KSR2: variants seen among roughly 807,000 people sequenced by gnomAD.
The protein encoded by KSR2 is kinase suppressor of ras 2.
In KSR2, 25 loss-of-function variants were observed where a neutral mutation model predicts 107.8. The ratio of observed to expected loss-of-function variants is 0.23; its 90% CI spans 0.17 to 0.32. The LOEUF (loss-of-function observed/expected upper bound fraction) is 0.32. KSR2 is among the 10% of genes least tolerant of loss of function. The pLI is 1.00. For synonymous variants in KSR2, 480 were observed against 507.0 expected (o/e 0.95, Z 0.71); for missense variants, 887 against 1,268.9 (o/e 0.70, Z 4.57).
intron 6 of KSR2, among the ~76,000 whole-genome samples, chr12:117,581,270 C>A (rs1179404626): frequency 6.6e-6 from 1 of 152,118 alleles, no homozygotes; most frequent in Non-Finnish European, 1.5e-5. Context: ...ACCTTGTCAC[C>A]CCGATCTCTC....
intron 1 of KSR2, among the ~76,000 whole-genome samples, chr12:117,937,064 C>T (rs758985960): frequency 3.3e-4 from 51 of 152,300 alleles, no homozygotes; most frequent in Admixed American, 1.6e-3. Flanking sequence ...CCCCAGCTAC[C>T]GTCTTAGCAG....
intron 4 of KSR2, among the ~76,000 whole-genome samples, chr12:117,711,634 G>A (rs564241481): frequency 6.6e-6 from 1 of 152,196 alleles, no homozygotes; most frequent in East Asian, 1.9e-4. Context: ...ACAGGAGTCT[G>A]GGATGCAGAA....
intron 16 of KSR2, 67 bp from the exon 17 acceptor site, chr12:117,476,662 G>A (rs1258201715): frequency 1.3e-6 from 2 of 1,496,066 alleles, no homozygotes; most frequent in Non-Finnish European, 1.8e-6. Flanking sequence ...CCCTGGCACT[G>A]ACCCTACGTC....
At chr12:117,680,569 A>G (rs893931573) in intron 4 of KSR2, among the ~76,000 whole-genome samples, 3 of 152,036 alleles carry the variant, frequency 2.0e-5, no homozygotes, top group African/African-American at 7.2e-5. Context: ...CCTCCTCTCC[A>G]AGTCTGGTTT....
chr12:117,877,039 T>C lies in KSR2; in HGVS notation c.181-16608A>G, dbSNP rs550309433. Among the ~76,000 whole-genome samples the C allele has an allele frequency of 5.6e-4, 85 of 152,324 alleles. No individual in the cohort carries two copies. In the South Asian group the frequency reaches 0.017, roughly 30 times the overall value. On this transcript the variant is annotated intron_variant, in intron 1 of 19. Transcript: ENST00000339824. ...AAACAAAGTTTGTGTTAAGTTTTTA[T>C]GTGTGGAATTTTCCACTTGTGATGT...
chr12:117,872,771 A>T (rs1410885904), intron 1 of KSR2, among the ~76,000 whole-genome samples: 1 of 152,132 alleles, frequency 6.6e-6, no homozygotes, highest in African/African-American at 2.4e-5. Context: ...GGGTCCTTGG[A>T]CAATAAACAC....
intron 7 of KSR2, among the ~76,000 whole-genome samples, chr12:117,564,320 C>T (rs768131254): frequency 5.3e-5 from 8 of 152,148 alleles, no homozygotes; most frequent in Non-Finnish European, 8.8e-5. Context: ...GCAATCAAGC[C>T]GACCTGAGCC....
chr12:117,877,021 G>A (rs1893876140), intron 1 of KSR2, among the ~76,000 whole-genome samples: 1 of 152,094 alleles, frequency 6.6e-6, no homozygotes, highest in Non-Finnish European at 1.5e-5. Context: ...ATTAAACAAA[G>A]TTTGTGTTAA....
intron 7 of KSR2, among the ~76,000 whole-genome samples, chr12:117,569,634 T>C (rs1878747881): frequency 6.6e-6 from 1 of 152,266 alleles, no homozygotes; most frequent in African/African-American, 2.4e-5. Context: ...CTACGTCTAT[T>C]GTAAGGTGGC....
chr12:117,608,912 A>C (rs1226022582), intron 5 of KSR2, among the ~76,000 whole-genome samples: 1 of 152,040 alleles, frequency 6.6e-6, no homozygotes, highest in African/African-American at 2.4e-5. Flanking sequence ...TTGGGGGGTA[A>C]TAGCTCAGAC....
At chr12:117,562,815 G>A (rs1030859575) in intron 7 of KSR2, among the ~76,000 whole-genome samples, 11 of 152,036 alleles carry the variant, frequency 7.2e-5, no homozygotes, top group African/African-American at 2.2e-4. Context: ...CAGGGGCTTC[G>A]GTGGGCAGCA....
chr12:117,595,883 C>T (rs1053187459), intron 5 of KSR2, among the ~76,000 whole-genome samples: 1 of 152,216 alleles, frequency 6.6e-6, no homozygotes, highest in Non-Finnish European at 1.5e-5. Context: ...GAGTCCCTTC[C>T]AGTCTCAGAA....
At chr12:117,550,011 T>C (rs79246583) in intron 9 of KSR2, among the ~76,000 whole-genome samples, 4,433 of 152,292 alleles carry the variant, frequency 0.029, 211 homozygotes, top group African/African-American at 0.1. Context: ...CAGCAGCTGG[T>C]GGTTGTGTTC....
At chr12:117,819,532 T>G (rs988777423) in intron 3 of KSR2, among the ~76,000 whole-genome samples, 2 of 152,194 alleles carry the variant, frequency 1.3e-5, no homozygotes, top group African/African-American at 2.4e-5. Flanking sequence ...TATCTACATA[T>G]GTCAAAGCTC....
chr12:117,923,847 G>A (rs1895418658), intron 1 of KSR2, among the ~76,000 whole-genome samples: 1 of 150,456 alleles, frequency 6.6e-6, no homozygotes, highest in African/African-American at 2.4e-5. Context: ...TATGTTTTGT[G>A]TAACAAAGGA....
At chr12:117,739,333 C>G (rs2135017) in intron 4 of KSR2, among the ~76,000 whole-genome samples, 1 of 152,004 alleles carries the variant, frequency 6.6e-6, no homozygotes, top group Non-Finnish European at 1.5e-5. Flanking sequence ...CCAGCCTGGG[C>G]GACAGAGCAA....
intron 3 of KSR2, among the ~76,000 whole-genome samples, chr12:117,840,180 G>A (rs1016127735): frequency 1.9e-4 from 28 of 151,092 alleles, no homozygotes; most frequent in African/African-American, 4.2e-4. Context: ...TGTCTGCAGC[G>A]TCCGCCTCCA....
At chr12:117,612,835 T>C (rs11068572) in intron 5 of KSR2, among the ~76,000 whole-genome samples, 8,251 of 152,234 alleles carry the variant, frequency 0.054, 616 homozygotes, top group African/African-American at 0.17. Flanking sequence ...CCCCATTCTG[T>C]TCTGGTGATA....
chr12:117,704,858 CAA>C (rs35848973), intron 4 of KSR2, among the ~76,000 whole-genome samples: 8 of 129,706 alleles, frequency 6.2e-5, no homozygotes, highest in Admixed American at 7.9e-5. Flanking sequence ...GACTTCATCT[CAA>C]AAAAAAAAAA....
Sources: allele counts gnomAD v4.1 joint callset (sites outside exome capture counted in the v4.1 genomes callset), GRCh38; gene constraint gnomAD v4.1.1; transcripts MANE v1.5; gene names NCBI Gene and HGNC (gene_info 2026-07-23, HGNC 2026-07-21).